ATP1B2: variants seen among roughly 807,000 people sequenced by gnomAD.
ATP1B2 encodes the protein ATPase Na+/K+ transporting subunit beta 2.
A neutral mutation model predicts 37.3 loss-of-function variants in ATP1B2; 12 were observed. That is an observed-to-expected ratio of 0.32 (90% CI 0.21 to 0.52). The LOEUF is 0.52. Ranked by LOEUF, ATP1B2 falls within the 20% of genes least tolerant of loss-of-function variation. ATP1B2 has a pLI of 0.96. For missense variants in ATP1B2, 324 were observed against 391.6 expected (o/e 0.83, Z 1.46); for synonymous variants, 139 against 140.5 (o/e 0.99, Z 0.07).
rs1467672775 is a variant in ATP1B2 at position 7,655,794 on chromosome 17, A to G, written c.772A>G (p.Asn258Asp). Residue 258 changes from asparagine (N) to aspartate (D), a missense_variant, in exon 7 of 7, where the codon AAT becomes GAT. Coordinates refer to ENST00000250111, the MANE Select transcript of ATP1B2 (RefSeq NM_001678.5). This position sits in a 1 kb window ranked among gnomAD's most constrained non-coding sequence, Gnocchi z 4.4. ...FLNVTPNVEV[N>D]VECRINAANI... is the part of the protein sequence containing the mutation. ...GAATGTGACCCCCAACGTGGAGGTGAATGTAGAATGTCGCATCAACGCCGC... is the reference window on the plus strand; with the variant it reads ...GAATGTGACCCCCAACGTGGAGGTGGATGTAGAATGTCGCATCAACGCCGC... 1 of 1,614,102 alleles carries G rather than the reference A, an allele frequency of 6.2e-7. No individual in the cohort carries two copies.
At position 7,655,578 on chromosome 17, in the gene ATP1B2, G is replaced by A. The variant is rs762264628; in HGVS notation, c.661G>A (p.Gly221Ser). 7 of 1,614,126 alleles carry A rather than the reference G, an allele frequency of 4.3e-6. No homozygotes were observed. Among genetic ancestry groups the A allele is most frequent in the Non-Finnish European group, 5.9e-6 (7 of 1,180,032 alleles). The change falls in exon 6 of 7, where the codon GGC (glycine) becomes AGC (serine). Residue 221 changes from glycine to serine, a missense_variant. Transcript: ENST00000250111. The surrounding 1 kb of genome is among the most constrained non-coding windows in gnomAD (Gnocchi z 4.4). The stretch of plus-strand genomic sequence containing the variant: ...CAACTTCGTCATGTTCCCCGCCAAC[G>A]GCAACATCGACCTCATGTACTTCCC... Reference protein sequence around the residue: ...LGNFVMFPANGNIDLMYFPYY... With the variant: ...LGNFVMFPANSNIDLMYFPYY...
Position 7,656,450 on chromosome 17 carries a change from TCTC to T in ATP1B2, c.*562_*564del, listed in dbSNP as rs2072653624. ...ATTTATCTGGCTCCTGGGCAGGTCTTCTCCTCCTCTCCATCCCTATTCCCTCCT... is the reference window on the plus strand; with the variant it reads ...ATTTATCTGGCTCCTGGGCAGGTCTTCTCCTCTCCATCCCTATTCCCTCCT... On this transcript the variant is annotated 3_prime_UTR_variant, in exon 7 of 7. Coordinates refer to ENST00000250111, the MANE Select transcript of ATP1B2 (RefSeq NM_001678.5). 1 of 157,396 alleles carries T rather than the reference TCTC, an allele frequency of 6.4e-6. No homozygotes were observed. The highest frequency in any genetic ancestry group is 1.9e-4 in the South Asian group (1 of 5,296). 9.7% of individuals were successfully genotyped at this position (157,396 alleles called of 1,614,324 possible).
At position 7,656,034 on chromosome 17, in the gene ATP1B2, T is replaced by C; in HGVS notation, c.*139T>C. On this transcript the variant is annotated 3_prime_UTR_variant, in exon 7 of 7. Transcript: ENST00000250111. ...TTGTCTGAGCCTCACATCCTTTTCC[T>C]TGACTTCTCAACCCAGCCTGAAGTC... The C allele has an allele frequency of 8.3e-7, 1 of 1,198,862 alleles. No homozygotes were observed. The highest frequency in any genetic ancestry group is 1.1e-6 in the Non-Finnish European group (1 of 869,830). The allele number at this position is 1,198,862 out of a possible 1,614,324, so 74.3% of individuals were successfully genotyped here.
Position 7,655,295 on chromosome 17 carries a change from T to C in ATP1B2, c.610-232T>C. The C allele has an allele frequency of 5.2e-6, 3 of 580,454 alleles. No individual in the cohort carries two copies. The highest frequency in any genetic ancestry group is 9.2e-6 in the Non-Finnish European group (3 of 326,740). 36.0% of individuals were successfully genotyped at this position (580,454 alleles called of 1,614,324 possible). A position where few individuals can be genotyped will look rare whatever the true frequency, so the allele number is the denominator to read the frequency against. ...GTAGGAGTGGAGTAGGAGGCTTTCGTGCCATTAGCAGCCTTCAGGAGTTCC... is the reference window on the plus strand; with the variant it reads ...GTAGGAGTGGAGTAGGAGGCTTTCGCGCCATTAGCAGCCTTCAGGAGTTCC... On this transcript the variant is annotated intron_variant, in intron 5 of 6. Coordinates refer to ENST00000250111, the MANE Select transcript of ATP1B2 (RefSeq NM_001678.5). This position sits in a 1 kb window ranked among gnomAD's most constrained non-coding sequence, Gnocchi z 4.4.
At chr17:7,650,848 A>G (rs1161182801), upstream of ATP1B2, among the ~76,000 whole-genome samples, 1 of 129,286 alleles carries the variant, frequency 7.7e-6, no homozygotes, top group Non-Finnish European at 1.6e-5. Flanking sequence ...GAGGAGGCGG[A>G]GCTTCTGGGG....
At chr17:7,650,847 G>C (rs2072605798), upstream of ATP1B2, among the ~76,000 whole-genome samples, 1 of 150,386 alleles carries the variant, frequency 6.6e-6, no homozygotes, top group Admixed American at 6.6e-5. Flanking sequence ...CGAGGAGGCG[G>C]AGCTTCTGGG....
At chr17:7,648,811 G>A (rs2072590874), upstream of ATP1B2, among the ~76,000 whole-genome samples, 1 of 152,010 alleles carries the variant, frequency 6.6e-6, no homozygotes, top group Non-Finnish European at 1.5e-5. Context: ...TTAGCCTGTA[G>A]GATAGAGTCC....
In ATP1B2 at chr17:7,655,371, G is replaced by T; in HGVS notation, c.610-156G>T. 1 of 666,686 alleles carries T rather than the reference G, an allele frequency of 1.5e-6. No individual in the cohort carries two copies. The highest frequency in any genetic ancestry group is 2.6e-6 in the Non-Finnish European group (1 of 384,470). The allele number at this position is 666,686 out of a possible 1,614,324, so 41.3% of individuals were successfully genotyped here. A position where few individuals can be genotyped will look rare whatever the true frequency, so the allele number is the denominator to read the frequency against. ...CCCCTCATCTACACACGCACATGCA[G>T]ACACACACACACAGACTCACAGCTC... is the stretch of plus-strand genomic sequence containing the variant. On this transcript the variant is annotated intron_variant, in intron 5 of 6. Transcript: ENST00000250111. The surrounding 1 kb of genome is among the most constrained non-coding windows in gnomAD (Gnocchi z 4.4).
At position 7,654,329 on chromosome 17, in the gene ATP1B2, C is replaced by T. The variant is rs968681255; in HGVS notation, c.552+72C>T. 4.6e-6 allele frequency: 7 copies of T among 1,517,872 alleles called. No individual in the cohort carries two copies. The highest frequency in any genetic ancestry group is 1.4e-5 in the African/African-American group (1 of 73,064). The allele number at this position is 1,517,872 out of a possible 1,614,324, so 94.0% of individuals were successfully genotyped here. ...GACACCACCTGCAGACAATTGCATC[C>T]TTTCACTGGGGCTAATGGGCATGAG... On this transcript the variant is annotated intron_variant, in intron 4 of 6. Coordinates refer to ENST00000250111, the MANE Select transcript of ATP1B2 (RefSeq NM_001678.5). This position sits in a 1 kb window ranked among gnomAD's most constrained non-coding sequence, Gnocchi z 4.9.
Position 7,655,962 on chromosome 17 carries a change from C to T in ATP1B2, c.*67C>T. On this transcript the variant is annotated 3_prime_UTR_variant, in exon 7 of 7. Coordinates refer to ENST00000250111, the MANE Select transcript of ATP1B2 (RefSeq NM_001678.5). The surrounding 1 kb of genome is among the most constrained non-coding windows in gnomAD (Gnocchi z 4.4). ...TGGAATGTCCCTGACCCTGCCTGAT[C>T]CCTCCCTCACCCACCCCAAAGGTAT... The T allele has an allele frequency of 6.4e-7, 1 of 1,570,544 alleles. No homozygotes were observed. Among genetic ancestry groups the T allele is most frequent in the South Asian group, 1.1e-5 (1 of 88,254 alleles).
intron 3 of ATP1B2, 30 bp downstream of exon 3, chr17:7,653,975 CA>C (rs1567532396): frequency 7.5e-6 from 12 of 1,609,810 alleles, no homozygotes; most frequent in Non-Finnish European, 1.0e-5. Context: ...TGTGTCAGTT[CA>C]AGACTTCGGG....
upstream of ATP1B2, among the ~76,000 whole-genome samples, chr17:7,650,680 C>T (rs962129303): frequency 1.3e-5 from 2 of 152,124 alleles, no homozygotes; most frequent in Non-Finnish European, 2.9e-5. Context: ...TCCCTCTACT[C>T]CGCCCGGACA....
Position 7,655,341 on chromosome 17 carries a change from A to T in ATP1B2, c.610-186A>T, listed in dbSNP as rs557253576. On this transcript the variant is annotated intron_variant, in intron 5 of 6. Transcript: ENST00000250111. The surrounding 1 kb of genome is among the most constrained non-coding windows in gnomAD (Gnocchi z 4.4). ...GTTCCTAGAATGATGACAGGGACAG[A>T]CCATCCCCTCATCTACACACGCACA... 5 of 614,390 alleles carry T rather than the reference A, an allele frequency of 8.1e-6. No homozygotes were observed. The East Asian group carries it at 1.4e-4, about 17-fold the overall frequency. 38.1% of individuals were successfully genotyped at this position (614,390 alleles called of 1,614,324 possible).
At chr17:7,652,280 C>T (rs2072619267) in intron 1 of ATP1B2, among the ~76,000 whole-genome samples, 1 of 148,088 alleles carries the variant, frequency 6.8e-6, no homozygotes, top group African/African-American at 2.5e-5. Flanking sequence ...CTGTGACAGT[C>T]GGATGACTTG....
In ATP1B2 at chr17:7,656,258, AC is replaced by A; in HGVS notation, c.*369del. ...CCCACTGACCCACCCACCCACCTAC[AC>A]CCCCCGCCACACACACACACAAACG... On this transcript the variant is annotated 3_prime_UTR_variant, in exon 7 of 7. Coordinates refer to ENST00000250111, the MANE Select transcript of ATP1B2 (RefSeq NM_001678.5). 1 of 199,314 alleles carries A rather than the reference AC, an allele frequency of 5.0e-6. No homozygotes were observed. Among genetic ancestry groups the A allele is most frequent in the East Asian group, 1.0e-4 (1 of 9,744 alleles). The allele number at this position is 199,314 out of a possible 1,614,324, so 12.3% of individuals were successfully genotyped here.
chr17:7,652,366 G>A (rs896990411), intron 1 of ATP1B2, among the ~76,000 whole-genome samples: 1 of 152,078 alleles, frequency 6.6e-6, no homozygotes, highest in East Asian at 1.9e-4. Flanking sequence ...GAGGGGGTCT[G>A]GTGACCGGCA....
At position 7,651,295 on chromosome 17, in the gene ATP1B2, T is replaced by G. The variant is rs2072610325; in HGVS notation, c.-224T>G. 1.8e-6 allele frequency: 1 copy of G among 557,406 alleles called. No homozygotes were observed. The highest frequency in any genetic ancestry group is 2.0e-5 in the South Asian group (1 of 50,216). 34.5% of individuals were successfully genotyped at this position (557,406 alleles called of 1,614,324 possible). ...TGACAGCACCCCTTTTCATCGCAGT[T>G]GGGGGGCCTAGGATCGGTGCATCTT... On this transcript the variant is annotated 5_prime_UTR_variant, in exon 1 of 7. Transcript: ENST00000250111.
chr17:7,650,044 A>G (rs1213331947), upstream of ATP1B2, among the ~76,000 whole-genome samples: 4 of 152,152 alleles, frequency 2.6e-5, no homozygotes, highest in Non-Finnish European at 5.9e-5. Flanking sequence ...CTCCCGCCCT[A>G]GACTGTGAGC....
Position 7,656,266 on chromosome 17 carries a change from C to A in ATP1B2, c.*371C>A. 4.0e-6 allele frequency: 1 copy of A among 250,138 alleles called. No individual in the cohort carries two copies. Among genetic ancestry groups the A allele is most frequent in the Non-Finnish European group, 7.8e-6 (1 of 128,030 alleles). The allele number at this position is 250,138 out of a possible 1,614,324, so 15.5% of individuals were successfully genotyped here. ...CCCACCCACCCACCTACACCCCCCG[C>A]CACACACACACACAAACGTGCACAC... On this transcript the variant is annotated 3_prime_UTR_variant, in exon 7 of 7. Transcript: ENST00000250111.
Sources: gnomAD v4.1 joint callset for allele counts (sites outside exome capture counted in the v4.1 genomes callset) on GRCh38, gnomAD v4.1.1 for gene constraint, Gnocchi (gnomAD v3.1) non-coding constraint, MANE v1.5 for transcripts, NCBI Gene and HGNC (gene_info 2026-07-23, HGNC 2026-07-21) for gene names.